VAV2: variants seen among roughly 807,000 people sequenced by gnomAD.
VAV2 encodes guanine nucleotide exchange factor VAV2.
In VAV2, 67 loss-of-function variants were observed where a neutral mutation model predicts 132.5. The ratio of observed to expected loss-of-function variants is 0.51; its 90% CI spans 0.42 to 0.62. VAV2 has a LOEUF of 0.62. Among genes scored for constraint, VAV2 ranks in the 20% least tolerant of loss-of-function variants. VAV2 has a pLI of 0.00. For synonymous variants in VAV2, 492 were observed against 443.5 expected (o/e 1.11, Z -1.37); for missense variants, 938 against 1,153.6 (o/e 0.81, Z 2.71).
At chr9:133,791,755 C>T in intron 13 of VAV2, 28 bp downstream of exon 13, 2 of 1,601,466 alleles carry the variant, frequency 1.2e-6, no homozygotes, top group Non-Finnish European at 8.6e-7. Flanking sequence ...ATCGACCTTC[C>T]CTAGCCTGAA....
chr9:133,949,228 C>G (rs1445088810), intron 1 of VAV2, among the ~76,000 whole-genome samples: 1 of 152,194 alleles, frequency 6.6e-6, no homozygotes, highest in Non-Finnish European at 1.5e-5. Flanking sequence ...CAAGTCCCTG[C>G]CCTTAGCAAG....
At chr9:133,874,404 G>A (rs556704480) in intron 2 of VAV2, among the ~76,000 whole-genome samples, 9 of 150,708 alleles carry the variant, frequency 6.0e-5, no homozygotes, top group Middle Eastern at 6.9e-3. Context: ...GAAAAAGCGG[G>A]GATAAAGGTG....
intron 1 of VAV2, among the ~76,000 whole-genome samples, chr9:133,990,520 T>C (rs1271425339): frequency 6.6e-6 from 1 of 152,158 alleles, no homozygotes; most frequent in Non-Finnish European, 1.5e-5. Context: ...AAGCCTCCTC[T>C]GTGCGGACCC....
At chr9:133,811,704 G>C (rs1237114694) in intron 5 of VAV2, among the ~76,000 whole-genome samples, 2 of 152,228 alleles carry the variant, frequency 1.3e-5, no homozygotes, top group Non-Finnish European at 2.9e-5. Context: ...CCACACAAAG[G>C]GGGAAAATGA....
intron 3 of VAV2, among the ~76,000 whole-genome samples, chr9:133,854,255 G>GCACA (rs3054960): frequency 1.4e-5 from 2 of 145,918 alleles, no homozygotes; most frequent in African/African-American, 5.2e-5. Context: ...GCACTCATCT[G>GCACA]CACACACACA....
At chr9:133,813,343 A>C (rs1225224710) in intron 4 of VAV2, among the ~76,000 whole-genome samples, 2 of 152,236 alleles carry the variant, frequency 1.3e-5, no homozygotes, top group Non-Finnish European at 2.9e-5. Flanking sequence ...AAGCCGGGGC[A>C]GGAGCAATCC....
chr9:133,936,957 GCAAACTGCTTGGC>G (rs1291913292), intron 2 of VAV2, among the ~76,000 whole-genome samples: 1 of 152,314 alleles, frequency 6.6e-6, no homozygotes, highest in African/African-American at 2.4e-5. Flanking sequence ...CTGCCCATTT[GCAAACTGCTTGGC>G]CACACAGCTG....
At chr9:133,987,177 G>A (rs1842880807) in intron 1 of VAV2, among the ~76,000 whole-genome samples, 1 of 152,142 alleles carries the variant, frequency 6.6e-6, no homozygotes, top group Admixed American at 6.5e-5. Flanking sequence ...AGACACACTG[G>A]GTCTGTCATT....
intron 2 of VAV2, among the ~76,000 whole-genome samples, chr9:133,864,262 CA>C (rs1324371291): frequency 6.6e-6 from 1 of 152,186 alleles, no homozygotes; most frequent in African/African-American, 2.4e-5. Context: ...GGACGAGGAA[CA>C]GGGAGGAAAG....
intron 13 of VAV2, among the ~76,000 whole-genome samples, chr9:133,790,827 G>T (rs992039666): frequency 6.6e-6 from 1 of 152,136 alleles, no homozygotes; most frequent in Non-Finnish European, 1.5e-5. Flanking sequence ...GGCACCGGGT[G>T]GGTGTGGCCT....
intron 3 of VAV2, among the ~76,000 whole-genome samples, chr9:133,837,786 T>G (rs1332495532): frequency 6.6e-6 from 1 of 151,696 alleles, no homozygotes; most frequent in Middle Eastern, 3.2e-3. Flanking sequence ...TTCCTGCATC[T>G]CATTTGGTGT....
chr9:133,786,755 G>A (rs1275494520), intron 16 of VAV2, among the ~76,000 whole-genome samples: 3 of 152,188 alleles, frequency 2.0e-5, no homozygotes, highest in East Asian at 3.9e-4. Flanking sequence ...CCGAGCTCTC[G>A]GACAAAGGGC....
intron 1 of VAV2, among the ~76,000 whole-genome samples, chr9:133,957,522 C>A (rs1841822919): frequency 6.6e-6 from 1 of 152,060 alleles, no homozygotes. Flanking sequence ...GGTGTCCCAG[C>A]TCCCTGCCTC....
chr9:133,897,504 G>C (rs1199239454), intron 2 of VAV2, among the ~76,000 whole-genome samples: 2 of 152,120 alleles, frequency 1.3e-5, no homozygotes, highest in Admixed American at 6.5e-5. Flanking sequence ...GAACGAAACT[G>C]GGTCCCAGGA....
In VAV2 at chr9:133,978,077, C is replaced by T. The variant is rs61560811; in HGVS notation, c.204+13998G>A. ...ATGATCCCAGAAATGTGGCTGAAAACTGGACACACATTCAAGACCAGGAGC... is the reference window on the plus strand; with the variant it reads ...ATGATCCCAGAAATGTGGCTGAAAATTGGACACACATTCAAGACCAGGAGC... On this transcript the variant is annotated intron_variant, in intron 1 of 29. Coordinates refer to ENST00000371850, the MANE Select transcript of VAV2 (RefSeq NM_001134398.2). Among the ~76,000 whole-genome samples the T allele has an allele frequency of 4.8e-3, 726 of 152,370 alleles. 5 individuals carry two copies. Among genetic ancestry groups the T allele is most frequent in the African/African-American group, 0.016 (670 of 41,590 alleles).
At chr9:133,990,100 G>A (rs138622156) in intron 1 of VAV2, among the ~76,000 whole-genome samples, 1 of 152,202 alleles carries the variant, frequency 6.6e-6, no homozygotes, top group Non-Finnish European at 1.5e-5. Flanking sequence ...TGAGGCTCTG[G>A]AGGTCGTTGC....
At chr9:133,841,025 G>A (rs191205582) in intron 3 of VAV2, among the ~76,000 whole-genome samples, 120 of 152,204 alleles carry the variant, frequency 7.9e-4, no homozygotes, top group Non-Finnish European at 1.5e-3. Flanking sequence ...CTGAGGAGCC[G>A]GCAGCCAGAT....
At chr9:133,924,057 G>T (rs1313770508) in intron 2 of VAV2, among the ~76,000 whole-genome samples, 1 of 152,110 alleles carries the variant, frequency 6.6e-6, no homozygotes, top group African/African-American at 2.4e-5. Flanking sequence ...GAGTTGATGG[G>T]TGTAGCAAAC....
chr9:133,882,446 T>C (rs1420828340), intron 2 of VAV2, among the ~76,000 whole-genome samples: 1 of 152,024 alleles, frequency 6.6e-6, no homozygotes, highest in Admixed American at 6.6e-5. Flanking sequence ...TCTTTGGAAA[T>C]AGGATCACAG....
Sources: gnomAD v4.1 joint callset for allele counts (sites outside exome capture counted in the v4.1 genomes callset) on GRCh38, gnomAD v4.1.1 for gene constraint, MANE v1.5 for transcripts, NCBI Gene and HGNC (gene_info 2026-07-23, HGNC 2026-07-21) for gene names.